The following NKAIN2 variants were observed in gnomAD, a reference collection of about 807,000 sequenced individuals.
NKAIN2 encodes the protein sodium/potassium transporting ATPase interacting 2, also known as sodium/potassium-transporting ATPase subunit beta-1-interacting protein 2.
NKAIN2 carries 14 observed loss-of-function variants against 32.6 expected under a neutral mutation model. That is an observed-to-expected ratio of 0.43 (90% CI 0.28 to 0.67). The LOEUF (loss-of-function observed/expected upper bound fraction) is 0.67, where lower values mean the gene tolerates loss of function less well. Among genes scored for constraint, NKAIN2 ranks in the 30% least tolerant of loss-of-function variants. The pLI is 0.17. For missense variants in NKAIN2, 198 were observed against 258.3 expected, an observed-to-expected ratio of 0.77 and a Z score of 1.60; for synonymous variants, 80 against 87.2, an observed-to-expected ratio of 0.92 and a Z score of 0.46.
At chr6:124,056,132 T>G (rs1782639481) in intron 1 of NKAIN2, among the ~76,000 whole-genome samples, 1 of 152,074 alleles carries the variant, frequency 6.6e-6, no homozygotes, top group Non-Finnish European at 1.5e-5. Context: ...TAGATTTGGC[T>G]GAGCAATGCA....
chr6:123,908,116 C>T (rs1389318268), intron 1 of NKAIN2, among the ~76,000 whole-genome samples: 2 of 152,076 alleles, frequency 1.3e-5, no homozygotes, highest in Non-Finnish European at 2.9e-5. Flanking sequence ...TTATCTATGT[C>T]CAAGAACAGG....
At chr6:124,652,944 C>T (rs1009945903) in intron 3 of NKAIN2, among the ~76,000 whole-genome samples, 1 of 152,106 alleles carries the variant, frequency 6.6e-6, no homozygotes, top group Non-Finnish European at 1.5e-5. Flanking sequence ...ATTCAAACTA[C>T]AGCAAAATCT....
chr6:124,509,065 A>G (rs1778607759), intron 3 of NKAIN2, among the ~76,000 whole-genome samples: 2 of 152,182 alleles, frequency 1.3e-5, no homozygotes, highest in Non-Finnish European at 1.5e-5. Context: ...TTTTTAGGAA[A>G]CACAACTCAA....
chr6:124,394,429 G>A (rs961388491), intron 3 of NKAIN2, among the ~76,000 whole-genome samples: 1 of 150,194 alleles, frequency 6.7e-6, no homozygotes, highest in African/African-American at 2.5e-5. Context: ...TATTAGTCAG[G>A]GTTTTCCAGA....
chr6:124,041,768 A>T (rs1781884479), intron 1 of NKAIN2, among the ~76,000 whole-genome samples: 1 of 152,132 alleles, frequency 6.6e-6, no homozygotes, highest in Non-Finnish European at 1.5e-5. Flanking sequence ...TAATATTGTA[A>T]ATTGGAATGA....
intron 1 of NKAIN2, among the ~76,000 whole-genome samples, chr6:124,016,614 T>C (rs947048721): frequency 6.6e-6 from 1 of 152,202 alleles, no homozygotes; most frequent in African/African-American, 2.4e-5. Context: ...AGGCCTCTTT[T>C]GCACATAAAT....
At chr6:124,644,942 C>T (rs183348392) in intron 3 of NKAIN2, among the ~76,000 whole-genome samples, 1 of 152,150 alleles carries the variant, frequency 6.6e-6, no homozygotes, top group Admixed American at 6.5e-5. Context: ...TGAATATGTG[C>T]ACATACACAC....
chr6:124,311,566 A>C (rs974770590), intron 2 of NKAIN2, among the ~76,000 whole-genome samples: 2 of 152,318 alleles, frequency 1.3e-5, no homozygotes, highest in Admixed American at 6.5e-5. Flanking sequence ...TAAAGATTAC[A>C]TCTACTACGT....
At chr6:124,804,086 T>G (rs1780403262) in intron 5 of NKAIN2, among the ~76,000 whole-genome samples, 1 of 152,206 alleles carries the variant, frequency 6.6e-6, no homozygotes, top group South Asian at 2.1e-4. Context: ...AGGCACAACC[T>G]GAGCACAGGT....
chr6:124,191,919 T>TATC (rs60004179), intron 1 of NKAIN2, among the ~76,000 whole-genome samples: 17,827 of 152,034 alleles, frequency 0.12, 2,457 homozygotes, highest in African/African-American at 0.33. Context: ...ATGTTGGTAA[T>TATC]ATCTTATCCT....
intron 1 of NKAIN2, among the ~76,000 whole-genome samples, chr6:123,995,362 A>G (rs1017489283): frequency 4.6e-5 from 7 of 152,190 alleles, no homozygotes; most frequent in Non-Finnish European, 1.0e-4. Context: ...TCCCTTTTTC[A>G]TGGTTGAACC....
chr6:124,407,312 A>G (rs1281096900), intron 3 of NKAIN2, among the ~76,000 whole-genome samples: 1 of 151,780 alleles, frequency 6.6e-6, no homozygotes, highest in East Asian at 2.0e-4. Context: ...GTCATTTAGC[A>G]TTAGGTATAT....
rs539245082 is a variant in NKAIN2 at position 124,098,339 on chromosome 6, G to C, written c.55-184666G>C. Among the ~76,000 whole-genome samples the C allele has an allele frequency of 2.6e-5, 4 of 152,204 alleles. No homozygotes were observed. In the East Asian group the frequency reaches 7.7e-4, roughly 29 times the overall value. The stretch of plus-strand genomic sequence containing the variant: ...CATGCATTATTTGAATGTCTCACAC[G>C]AGGAATGCCTCAACAGATTTAACTT... On this transcript the variant is annotated intron_variant, in intron 1 of 6. Transcript: ENST00000368417.
intron 4 of NKAIN2, among the ~76,000 whole-genome samples, chr6:124,667,346 A>G (rs1772854449): frequency 6.6e-6 from 1 of 152,168 alleles, no homozygotes; most frequent in South Asian, 2.1e-4. Context: ...GTTTGCATAC[A>G]ATGTTGTGCA....
At chr6:124,383,630 C>T (rs1009998916) in intron 3 of NKAIN2, among the ~76,000 whole-genome samples, 2 of 152,136 alleles carry the variant, frequency 1.3e-5, no homozygotes, top group Admixed American at 1.3e-4. Flanking sequence ...GGATAAACTC[C>T]ATTTACACAC....
intron 1 of NKAIN2, among the ~76,000 whole-genome samples, chr6:124,249,781 C>T (rs978634772): frequency 2.0e-5 from 3 of 151,890 alleles, no homozygotes; most frequent in African/African-American, 7.2e-5. Context: ...CTGCCTGAAG[C>T]ACAGAGAACA....
chr6:124,351,551 G>A (rs12199276), intron 2 of NKAIN2, among the ~76,000 whole-genome samples: 76 of 150,154 alleles, frequency 5.1e-4, no homozygotes, highest in Non-Finnish European at 9.3e-4. Flanking sequence ...CATGTGGGAA[G>A]TATATTTTGT....
intron 1 of NKAIN2, among the ~76,000 whole-genome samples, chr6:124,262,755 A>C (rs905622032): frequency 3.3e-5 from 5 of 152,170 alleles, no homozygotes; most frequent in Non-Finnish European, 1.5e-5. Flanking sequence ...AGGGTAGATT[A>C]GAAAAGGAAA....
At chr6:124,368,796 C>T (rs1167578858) in intron 3 of NKAIN2, among the ~76,000 whole-genome samples, 2 of 152,122 alleles carry the variant, frequency 1.3e-5, no homozygotes, top group Non-Finnish European at 2.9e-5. Flanking sequence ...TTTATCTGTT[C>T]TCTTTTCAAT....
Sources: allele counts gnomAD v4.1 joint callset (sites outside exome capture counted in the v4.1 genomes callset), GRCh38; gene constraint gnomAD v4.1.1; transcripts MANE v1.5; gene names NCBI Gene and HGNC (gene_info 2026-07-23, HGNC 2026-07-21).